TLL1: variants seen among roughly 807,000 people sequenced by gnomAD.
TLL1 encodes the protein tolloid-like protein 1.
Under a neutral mutation model 128.2 loss-of-function variants are expected in TLL1, and 49 were observed. The ratio of observed to expected loss-of-function variants is 0.38; its 90% CI spans 0.30 to 0.48. TLL1 has a LOEUF of 0.48. Ranked by LOEUF, TLL1 falls within the 20% of genes least tolerant of loss-of-function variation. The pLI, the probability that TLL1 is intolerant of heterozygous loss-of-function variation, is 0.96. For synonymous variants in TLL1, 454 were observed against 418.8 expected (o/e 1.08, Z -1.03); for missense variants, 1,123 against 1,242.0 (o/e 0.90, Z 1.44).
chr4:165,978,011 A>G (rs148638039), intron 1 of TLL1, among the ~76,000 whole-genome samples: 19 of 152,250 alleles, frequency 1.2e-4, no homozygotes, highest in African/African-American at 4.3e-4. Context: ...AATCCAATCA[A>G]TTATTCTCTT....
intron 9 of TLL1, among the ~76,000 whole-genome samples, chr4:166,025,985 A>G (rs1738475294): frequency 6.6e-6 from 1 of 152,168 alleles, no homozygotes; most frequent in Non-Finnish European, 1.5e-5. Flanking sequence ...AATAAAAGAT[A>G]TTTTAAAAGT....
At chr4:166,068,843 TA>T (rs1345080620) in intron 16 of TLL1, among the ~76,000 whole-genome samples, 1 of 151,814 alleles carries the variant, frequency 6.6e-6, no homozygotes, top group Non-Finnish European at 1.5e-5. Flanking sequence ...TTCCACAGTG[TA>T]AAATGTTGTA....
intron 3 of TLL1, 135 bp from the exon 4 acceptor site, chr4:165,994,246 C>A: frequency 1.0e-6 from 1 of 960,038 alleles, no homozygotes; most frequent in Non-Finnish European, 1.6e-6. Flanking sequence ...TGAAGTTTTT[C>A]TTTAATGCAT....
At position 165,961,042 on chromosome 4, in the gene TLL1, T is replaced by C. The variant is rs117559214; in HGVS notation, c.170-28339T>C. ...ATGAAGTGAAGTTATGTCTCTTCAC[T>C]GGCAATATGATTCAATACCTAGAAG... is the stretch of plus-strand genomic sequence containing the variant. On this transcript the variant is annotated intron_variant, in intron 1 of 20. Transcript: ENST00000061240. 1.1e-3 allele frequency among the ~76,000 whole-genome samples: 160 copies of C among 152,214 alleles called. 2 individuals are homozygous for C. The East Asian group carries it at 0.025, about 24-fold the overall frequency.
intron 12 of TLL1, among the ~76,000 whole-genome samples, chr4:166,048,916 CAT>C: frequency 6.6e-6 from 1 of 152,298 alleles, no homozygotes; most frequent in Non-Finnish European, 1.5e-5. Flanking sequence ...AAACTATGTG[CAT>C]AAGTTTTTAT....
At chr4:166,054,393 G>C (rs1739902176) in intron 12 of TLL1, among the ~76,000 whole-genome samples, 1 of 152,050 alleles carries the variant, frequency 6.6e-6, no homozygotes, top group Admixed American at 6.6e-5. Flanking sequence ...ATACAATAAT[G>C]ATTTTATTGA....
intron 7 of TLL1, among the ~76,000 whole-genome samples, chr4:166,008,758 T>G (rs969659585): frequency 6.6e-6 from 1 of 151,382 alleles, no homozygotes. Flanking sequence ...AATTCACCCC[T>G]TTTTCCATTT....
intron 1 of TLL1, among the ~76,000 whole-genome samples, chr4:165,951,012 C>A (rs1734486777): frequency 6.6e-6 from 1 of 151,920 alleles, no homozygotes; most frequent in Admixed American, 6.6e-5. Flanking sequence ...AAAGTTCTAA[C>A]CAGATTGACC....
chr4:165,970,524 CCTT>C (rs1377476138), intron 1 of TLL1, among the ~76,000 whole-genome samples: 1 of 152,224 alleles, frequency 6.6e-6, no homozygotes, highest in East Asian at 1.9e-4. Flanking sequence ...TGGGTTAAAA[CCTT>C]CTTTCTTCAC....
At chr4:165,876,173 C>T (rs1454872507) in intron 1 of TLL1, among the ~76,000 whole-genome samples, 1 of 152,078 alleles carries the variant, frequency 6.6e-6, no homozygotes, top group East Asian at 1.9e-4. Flanking sequence ...AATGTGAATC[C>T]CTTTTAAAAT....
rs184158370 is a variant in TLL1 at position 166,070,270 on chromosome 4, C to T, written c.2188+4407C>T. Among the ~76,000 whole-genome samples, 486 of 151,976 alleles carry T rather than the reference C, an allele frequency of 3.2e-3. 2 individuals are homozygous for T. The highest frequency in any genetic ancestry group is 5.7e-3 in the Non-Finnish European group (386 of 67,868). ...AGGAAGCAAAGCTAAGAGTATTCCA[C>T]TCAGAAGAGTTTCTTTTCTTTAAAT... On this transcript the variant is annotated intron_variant, in intron 16 of 20. Transcript: ENST00000061240.
At chr4:165,999,735 A>G (rs1223232435) in intron 5 of TLL1, among the ~76,000 whole-genome samples, 1 of 151,938 alleles carries the variant, frequency 6.6e-6, no homozygotes, top group African/African-American at 2.4e-5. Context: ...CAGCCTCCCA[A>G]ATTTCTAGGA....
chr4:166,100,373 T>G (rs545760611), intron 20 of TLL1, among the ~76,000 whole-genome samples: 40 of 152,208 alleles, frequency 2.6e-4, no homozygotes, highest in Non-Finnish European at 4.6e-4. Context: ...TGAAACACAT[T>G]TAGTATCTCT....
chr4:165,957,412 C>T (rs775875604), intron 1 of TLL1, among the ~76,000 whole-genome samples: 6 of 152,040 alleles, frequency 3.9e-5, no homozygotes, highest in Non-Finnish European at 8.8e-5. Context: ...GGAACTTCAG[C>T]ACTCCACTAA....
intron 19 of TLL1, among the ~76,000 whole-genome samples, chr4:166,092,495 A>C (rs1383125105): frequency 6.6e-6 from 1 of 152,020 alleles, no homozygotes. Flanking sequence ...ATGTCAGGCT[A>C]ATGAGAGATT....
At position 166,099,286 on chromosome 4, in the gene TLL1, G is replaced by A. The variant is rs780213528; in HGVS notation, c.2666G>A (p.Gly889Glu). ...TTTCTTTCCTGGGCAGAGTGTGGCGGACGATTGAAAGCAGAATCAAAACCA... is the reference window on the plus strand; with the variant it reads ...TTTCTTTCCTGGGCAGAGTGTGGCGAACGATTGAAAGCAGAATCAAAACCA... ...FQATHSTECG[G>E]RLKAESKPRD... The change falls in exon 20 of 21, where the codon GGA (glycine) becomes GAA (glutamate). Residue 889 changes from glycine to glutamate, a missense_variant. By Grantham distance (98) the Gly-to-Glu change is moderately conservative (BLOSUM62 -2). Around this residue, in one of 3 missense-constraint regions of TLL1, gnomAD observed 634 missense variants for 672.4 expected, o/e 0.94. Coordinates refer to ENST00000061240, the MANE Select transcript of TLL1 (RefSeq NM_012464.5). The A allele has an allele frequency of 1.9e-6, 3 of 1,613,508 alleles. No individual in the cohort carries two copies. The highest frequency in any genetic ancestry group is 1.7e-5 in the Admixed American group (1 of 59,962).
chr4:165,891,988 G>A (rs1305282663), intron 1 of TLL1, among the ~76,000 whole-genome samples: 2 of 152,204 alleles, frequency 1.3e-5, no homozygotes, highest in Non-Finnish European at 2.9e-5. Flanking sequence ...AGGTTTAATT[G>A]ACTCACTGTT....
At position 165,931,582 on chromosome 4, in the gene TLL1, G is replaced by A. The variant is rs908456507; in HGVS notation, c.169+57509G>A. Reference sequence around the variant, plus strand: ...AATACAAAAAAAATTAGCCGGGTGTGGTGGTGGGCACCTGTAGTCCCAGCT... The same window carrying A: ...AATACAAAAAAAATTAGCCGGGTGTAGTGGTGGGCACCTGTAGTCCCAGCT... On this transcript the variant is annotated intron_variant, in intron 1 of 20. Coordinates refer to ENST00000061240, the MANE Select transcript of TLL1 (RefSeq NM_012464.5). Among the ~76,000 whole-genome samples the A allele has an allele frequency of 3.3e-5, 5 of 151,954 alleles. No individual in the cohort carries two copies. In the East Asian group the frequency reaches 5.8e-4, roughly 18 times the overall value.
chr4:166,072,977 C>T (rs1443210994), intron 16 of TLL1, among the ~76,000 whole-genome samples: 1 of 152,062 alleles, frequency 6.6e-6, no homozygotes, highest in Non-Finnish European at 1.5e-5. Flanking sequence ...CTGGTTGACC[C>T]AGGGTACAAC....
Sources: allele counts gnomAD v4.1 joint callset (sites outside exome capture counted in the v4.1 genomes callset), GRCh38; gene constraint gnomAD v4.1.1; regional missense constraint gnomAD v4.1.1; transcripts MANE v1.5; gene names NCBI Gene and HGNC (gene_info 2026-07-23, HGNC 2026-07-21).